Variants in SLC17A8 observed in about 807,000 individuals in gnomAD.
SLC17A8 encodes the protein solute carrier family 17 member 8.
SLC17A8 carries 31 observed loss-of-function variants against 58.0 expected under a neutral mutation model. That is an observed-to-expected ratio of 0.53 (90% CI 0.40 to 0.72). The LOEUF (loss-of-function observed/expected upper bound fraction) is 0.72, where lower values mean the gene tolerates loss of function less well. Ranked by LOEUF, SLC17A8 falls within the 30% of genes least tolerant of loss-of-function variation. The pLI, the probability that SLC17A8 is intolerant of heterozygous loss-of-function variation, is 0.00. For missense variants in SLC17A8, 655 were observed against 727.8 expected, an observed-to-expected ratio of 0.90 and a Z score of 1.15; for synonymous variants, 228 against 249.0, an observed-to-expected ratio of 0.92 and a Z score of 0.79.
At chr12:100,414,551 G>C (rs1952892943) in intron 10 of SLC17A8, among the ~76,000 whole-genome samples, 1 of 152,164 alleles carries the variant, frequency 6.6e-6, no homozygotes, top group Admixed American at 6.5e-5. Context: ...TTGTTGGGAG[G>C]ATAAACTTAG....
chr12:100,412,016 T>C (rs1317210987), intron 9 of SLC17A8, among the ~76,000 whole-genome samples: 1 of 152,196 alleles, frequency 6.6e-6, no homozygotes, highest in South Asian at 2.1e-4. Flanking sequence ...TATTAGAGTG[T>C]TGTCATTTTA....
At chr12:100,370,354 A>AAG (rs1952550543) in intron 1 of SLC17A8, among the ~76,000 whole-genome samples, 1 of 151,800 alleles carries the variant, frequency 6.6e-6, no homozygotes, top group African/African-American at 2.4e-5. Context: ...CTGGAGTGCA[A>AAG]AGGCACAATC....
At chr12:100,375,340 A>G (rs936905465) in intron 1 of SLC17A8, among the ~76,000 whole-genome samples, 1 of 152,042 alleles carries the variant, frequency 6.6e-6, no homozygotes, top group African/African-American at 2.4e-5. Flanking sequence ...CTGGGGGAGC[A>G]TTCAAACTGC....
At chr12:100,412,462 T>C (rs1364343260) in intron 9 of SLC17A8, among the ~76,000 whole-genome samples, 2 of 151,966 alleles carry the variant, frequency 1.3e-5, no homozygotes, top group African/African-American at 4.8e-5. Flanking sequence ...CTAATGCATG[T>C]GGGGCCCAAA....
chr12:100,402,382 C>T lies in SLC17A8; in HGVS notation c.806C>T (p.Ala269Val). Residue 269 changes from alanine to valine, a missense_variant, in exon 7 of 12, where the codon GCC (alanine) becomes GTC (valine). Ala to Val is a moderately conservative substitution (Grantham distance 64). Coordinates refer to ENST00000323346, the MANE Select transcript of SLC17A8 (RefSeq NM_139319.3). ...IIWYMFWLLQ[A>V]YECPAAHPTI... ...TGGTACATGTTTTGGCTGTTGCAGG[C>T]CTATGAGTGCCCAGCAGCTCATCCA... 2.5e-6 allele frequency: 4 copies of T among 1,614,044 alleles called. No individual in the cohort carries two copies. Among genetic ancestry groups the T allele is most frequent in the Non-Finnish European group, 3.4e-6 (4 of 1,180,008 alleles).
At chr12:100,406,228 C>T (rs1159233847) in intron 9 of SLC17A8, among the ~76,000 whole-genome samples, 1 of 152,134 alleles carries the variant, frequency 6.6e-6, no homozygotes, top group Non-Finnish European at 1.5e-5. Flanking sequence ...TGCCATTCTC[C>T]AGTGATCCCT....
chr12:100,380,331 G>A (rs1952626188), intron 1 of SLC17A8, among the ~76,000 whole-genome samples: 1 of 151,794 alleles, frequency 6.6e-6, no homozygotes, highest in South Asian at 2.1e-4. Flanking sequence ...TTTAGACATA[G>A]ACTCTGGACT....
chr12:100,398,804 G>A (rs1450453613), intron 5 of SLC17A8, among the ~76,000 whole-genome samples: 1 of 152,132 alleles, frequency 6.6e-6, no homozygotes, highest in Non-Finnish European at 1.5e-5. Flanking sequence ...ATTGAATCAT[G>A]GGGGTGGGTC....
chr12:100,409,160 T>C (rs992011355), intron 9 of SLC17A8, among the ~76,000 whole-genome samples: 16 of 147,178 alleles, frequency 1.1e-4, no homozygotes, highest in African/African-American at 4.3e-4. Flanking sequence ...TATGTATGTA[T>C]GTATGTATGT....
Position 100,396,315 on chromosome 12 carries a change from C to G in SLC17A8, c.589-15C>G, listed in dbSNP as rs1009516241. 4.4e-6 allele frequency: 7 copies of G among 1,606,114 alleles called. 1 individual carries two copies. Among genetic ancestry groups the G allele is most frequent in the Non-Finnish European group, 6.0e-6 (7 of 1,172,768 alleles). On this transcript the variant is annotated splice_polypyrimidine_tract_variant and intron_variant, in intron 4 of 11. Coordinates refer to ENST00000323346, the MANE Select transcript of SLC17A8 (RefSeq NM_139319.3). Reference sequence around the variant, plus strand: ...ACAGTCAAATCAACTAATCTATTTTCAACTCTTCTGCCAGGGTGTGACCTA... The same window carrying G: ...ACAGTCAAATCAACTAATCTATTTTGAACTCTTCTGCCAGGGTGTGACCTA...
intron 5 of SLC17A8, among the ~76,000 whole-genome samples, chr12:100,401,247 C>T (rs1205527487): frequency 6.6e-6 from 1 of 151,802 alleles, no homozygotes; most frequent in Non-Finnish European, 1.5e-5. Context: ...GATCTGTCCA[C>T]CTCAGCCTCC....
chr12:100,402,243 A>C, intron 6 of SLC17A8, 97 bp from the exon 7 acceptor site: 1 of 1,434,658 alleles, frequency 7.0e-7, no homozygotes, highest in East Asian at 2.3e-5. Flanking sequence ...TACATTACCC[A>C]TTTTACCTGA....
At chr12:100,372,119 G>A (rs1463105722) in intron 1 of SLC17A8, among the ~76,000 whole-genome samples, 1 of 152,128 alleles carries the variant, frequency 6.6e-6, no homozygotes, top group Non-Finnish European at 1.5e-5. Flanking sequence ...AAATTTGAAT[G>A]CTGTATTTGT....
intron 3 of SLC17A8, among the ~76,000 whole-genome samples, chr12:100,393,164 A>G (rs1952728491): frequency 6.6e-6 from 1 of 152,162 alleles, no homozygotes; most frequent in Non-Finnish European, 1.5e-5. Flanking sequence ...GGGGTTCACC[A>G]TGTTGGCCAG....
At chr12:100,361,597 G>A (rs1328051405) in intron 1 of SLC17A8, among the ~76,000 whole-genome samples, 1 of 152,190 alleles carries the variant, frequency 6.6e-6, no homozygotes, top group Non-Finnish European at 1.5e-5. Context: ...GCCTGAGACA[G>A]GGATTTGGGT....
intron 9 of SLC17A8, among the ~76,000 whole-genome samples, chr12:100,409,074 C>T (rs1952846943): frequency 6.6e-6 from 1 of 152,076 alleles, no homozygotes; most frequent in African/African-American, 2.4e-5. Context: ...ACGGTAAGTA[C>T]TTCAGCTTGT....
rs1464520938 is a variant in SLC17A8, at chr12:100,379,643, A to G, written c.102-1058A>G. Among the ~76,000 whole-genome samples the G allele has an allele frequency of 2.6e-5, 4 of 152,216 alleles. No individual in the cohort carries two copies. In the East Asian group the frequency reaches 5.8e-4, roughly 22 times the overall value. On this transcript the variant is annotated intron_variant, in intron 1 of 11. Coordinates refer to ENST00000323346, the MANE Select transcript of SLC17A8 (RefSeq NM_139319.3). The stretch of plus-strand genomic sequence containing the variant: ...TGACAGTATCCTCAGAAAGATGACA[A>G]TAAGTAAGAGGATACAACTTCCTTT...
chr12:100,358,317 T>C (rs962671247), intron 1 of SLC17A8, among the ~76,000 whole-genome samples: 2 of 152,196 alleles, frequency 1.3e-5, no homozygotes, highest in Non-Finnish European at 2.9e-5. Context: ...ATACACTTTT[T>C]ATTTGTTTGG....
intron 2 of SLC17A8, among the ~76,000 whole-genome samples, chr12:100,390,564 G>A (rs1952708257): frequency 6.6e-6 from 1 of 151,256 alleles, no homozygotes; most frequent in African/African-American, 2.4e-5. Context: ...TAGCCAGGAT[G>A]GTCTGGATCT....
Sources: allele counts gnomAD v4.1 joint callset (sites outside exome capture counted in the v4.1 genomes callset), GRCh38; gene constraint gnomAD v4.1.1; transcripts MANE v1.5; gene names NCBI Gene and HGNC (gene_info 2026-07-23, HGNC 2026-07-21).